Variants in NAALADL2 observed in about 807,000 individuals in gnomAD.
NAALADL2 encodes the protein inactive N-acetylated-alpha-linked acidic dipeptidase-like protein 2.
In NAALADL2, 76 loss-of-function variants were observed where a neutral mutation model predicts 87.2. That is an observed-to-expected ratio of 0.87 (90% CI 0.72 to 1.05). NAALADL2 has a LOEUF of 1.05. Ranked by LOEUF, NAALADL2 falls within the 50% of genes least tolerant of loss-of-function variation. The probability of loss-of-function intolerance (pLI) is 0.00; values close to 1 mark genes in which losing one functional copy is unlikely to be tolerated. For synonymous variants in NAALADL2, 354 were observed against 331.0 expected (o/e 1.07, Z -0.75); for missense variants, 1,089 against 945.8 (o/e 1.15, Z -1.99).
At chr3:175,231,301 T>C (rs1288261847) in intron 2 of NAALADL2, among the ~76,000 whole-genome samples, 1 of 151,948 alleles carries the variant, frequency 6.6e-6, no homozygotes, top group Non-Finnish European at 1.5e-5. Flanking sequence ...TTCTTCTTCA[T>C]AACCTGGGTG....
chr3:175,387,942 C>T (rs535894844), intron 5 of NAALADL2, among the ~76,000 whole-genome samples: 1 of 152,176 alleles, frequency 6.6e-6, no homozygotes, highest in African/African-American at 2.4e-5. Context: ...AGCTGATTGA[C>T]AGTTAATATT....
At chr3:174,821,458 A>G (rs1721409318) in intron 3 of NAALADL2, among the ~76,000 whole-genome samples, 1 of 152,188 alleles carries the variant, frequency 6.6e-6, no homozygotes, top group African/African-American at 2.4e-5. Context: ...TTAACATTCA[A>G]AGAGACTAGA....
chr3:175,649,129 A>C (rs188620024), intron 11 of NAALADL2, among the ~76,000 whole-genome samples: 1 of 152,308 alleles, frequency 6.6e-6, no homozygotes, highest in East Asian at 1.9e-4. Context: ...ACAACTGCAG[A>C]TATGGCATCA....
chr3:174,979,086 T>TCTAAAGG (rs763350637), intron 1 of NAALADL2, among the ~76,000 whole-genome samples: 42 of 152,222 alleles, frequency 2.8e-4, no homozygotes, highest in Non-Finnish European at 4.4e-4. Flanking sequence ...AGGAAAGCTT[T>TCTAAAGG]AAGACAGTTT....
chr3:175,341,982 A>G (rs1000896602), intron 5 of NAALADL2, among the ~76,000 whole-genome samples: 1 of 152,100 alleles, frequency 6.6e-6, no homozygotes, highest in Non-Finnish European at 1.5e-5. Flanking sequence ...AATTAAGCAT[A>G]GATGTATGGG....
chr3:174,454,018 G>A (rs373566287), intron 1 of NAALADL2, among the ~76,000 whole-genome samples: 14 of 152,062 alleles, frequency 9.2e-5, no homozygotes, highest in Non-Finnish European at 1.9e-4. Context: ...TATCTCAAAT[G>A]CAATGACACC....
At chr3:175,022,855 T>G (rs1580073800) in intron 1 of NAALADL2, among the ~76,000 whole-genome samples, 1 of 152,202 alleles carries the variant, frequency 6.6e-6, no homozygotes, top group East Asian at 1.9e-4. Context: ...ACTTGAAAAT[T>G]TGTGAAGTGT....
intron 1 of NAALADL2, among the ~76,000 whole-genome samples, chr3:174,932,938 A>G (rs2108429042): frequency 6.6e-6 from 1 of 152,128 alleles, no homozygotes; most frequent in East Asian, 1.9e-4. Flanking sequence ...ACCAACATGG[A>G]GAAACCCCGT....
intron 2 of NAALADL2, among the ~76,000 whole-genome samples, chr3:175,141,812 T>A (rs958760212): frequency 6.6e-6 from 1 of 152,126 alleles, no homozygotes; most frequent in Non-Finnish European, 1.5e-5. Context: ...TTTCAGATAA[T>A]GTTTATTATG....
Position 174,524,385 on chromosome 3 carries a change from T to C in NAALADL2, c.-183-26184T>C, listed in dbSNP as rs145418307. Among the ~76,000 whole-genome samples the C allele has an allele frequency of 5.5e-3, 840 of 152,294 alleles. 8 individuals carry two copies. Among genetic ancestry groups the C allele is most frequent in the African/African-American group, 0.019 (794 of 41,560 alleles). On this transcript the variant is annotated intron_variant, in intron 1 of 3. Coordinates refer to the NAALADL2 transcript ENST00000434257. ...GGGTGGCGGGTGGATGTTCAGCCTG[T>C]CCTAGTCCTGTAAGGCTTGCCCAGG... is the stretch of plus-strand genomic sequence containing the variant.
At chr3:174,854,991 C>A (rs908867649), upstream of NAALADL2, among the ~76,000 whole-genome samples, 3 of 151,888 alleles carry the variant, frequency 2.0e-5, no homozygotes, top group Non-Finnish European at 4.4e-5. Context: ...ACTCCCACCA[C>A]CACACCTGGC....
At chr3:174,539,340 T>A (rs184193609) in intron 1 of NAALADL2, among the ~76,000 whole-genome samples, 1 of 152,332 alleles carries the variant, frequency 6.6e-6, no homozygotes, top group African/African-American at 2.4e-5. Flanking sequence ...GGAGATAAAT[T>A]TGATTTGTTT....
intron 2 of NAALADL2, among the ~76,000 whole-genome samples, chr3:175,145,448 G>T (rs1347260424): frequency 1.3e-5 from 2 of 152,080 alleles, no homozygotes; most frequent in Admixed American, 6.6e-5. Context: ...AGAATTAACA[G>T]AATTGGTTTT....
chr3:174,954,700 T>C (rs1180630424), intron 1 of NAALADL2, among the ~76,000 whole-genome samples: 9 of 151,992 alleles, frequency 5.9e-5, no homozygotes, highest in Non-Finnish European at 1.0e-4. Flanking sequence ...AACAACACGA[T>C]AGAGAATGTT....
intron 2 of NAALADL2, among the ~76,000 whole-genome samples, chr3:175,103,748 T>C (rs560491471): frequency 3.0e-3 from 462 of 152,248 alleles, no homozygotes; most frequent in South Asian, 7.0e-3. Flanking sequence ...TTCCATAATT[T>C]AACCGGGACA....
At chr3:175,557,996 C>A (rs1198792335) in intron 9 of NAALADL2, among the ~76,000 whole-genome samples, 1 of 152,010 alleles carries the variant, frequency 6.6e-6, no homozygotes, top group Non-Finnish European at 1.5e-5. Flanking sequence ...AAATCGAGAC[C>A]ATCCTGGCTA....
intron 11 of NAALADL2, among the ~76,000 whole-genome samples, chr3:175,685,343 T>A (rs1736126263): frequency 1.3e-5 from 2 of 152,082 alleles, no homozygotes; most frequent in African/African-American, 4.8e-5. Flanking sequence ...TTTAGACACA[T>A]AAATAGTAAA....
intron 11 of NAALADL2, among the ~76,000 whole-genome samples, chr3:175,656,563 C>T (rs1446962312): frequency 6.6e-6 from 1 of 152,020 alleles, no homozygotes; most frequent in Non-Finnish European, 1.5e-5. Context: ...CCAATTTTTA[C>T]CAACCATATA....
chr3:174,658,852 G>A (rs1725230297), intron 2 of NAALADL2, among the ~76,000 whole-genome samples: 1 of 152,142 alleles, frequency 6.6e-6, no homozygotes, highest in Admixed American at 6.5e-5. Flanking sequence ...TCTTGAAGTT[G>A]ATGAAATATA....
Sources: allele counts gnomAD v4.1 joint callset (sites outside exome capture counted in the v4.1 genomes callset), GRCh38; gene constraint gnomAD v4.1.1; transcripts MANE v1.5; gene names NCBI Gene and HGNC (gene_info 2026-07-23, HGNC 2026-07-21).